Variants in FOXP2 observed in about 807,000 individuals in gnomAD.
The protein encoded by FOXP2 is forkhead box P2.
In FOXP2, 12 loss-of-function variants were observed where a neutral mutation model predicts 115.8. That is an observed-to-expected ratio of 0.10 (90% CI 0.07 to 0.17). The LOEUF (loss-of-function observed/expected upper bound fraction) is 0.17, where lower values mean the gene tolerates loss of function less well. Ranked by LOEUF, FOXP2 falls within the 10% of genes least tolerant of loss-of-function variation. The pLI is 1.00. For synonymous variants in FOXP2, 328 were observed against 297.7 expected (o/e 1.10, Z -1.05); for missense variants, 629 against 843.5 (o/e 0.75, Z 3.15).
chr7:114,240,284 T>A (rs1795118207), intron 1 of FOXP2, among the ~76,000 whole-genome samples: 1 of 152,166 alleles, frequency 6.6e-6, no homozygotes, highest in Admixed American at 6.6e-5. Context: ...TAAAAATAAC[T>A]TTCTCTCCAA....
rs575125852 is a variant in FOXP2 at position 114,691,868 on chromosome 7, A to G, written c.*1942A>G. ...TCTATCACACCAAATAAAAGGACAT[A>G]ACGGCTTTCAAAAGGGTTTTCCCAC... On this transcript the variant is annotated 3_prime_UTR_variant, in exon 17 of 17. Coordinates refer to ENST00000350908, the MANE Select transcript of FOXP2 (RefSeq NM_014491.4). 34 of 453,630 alleles carry G rather than the reference A, an allele frequency of 7.5e-5. No homozygotes were observed. The highest frequency in any genetic ancestry group is 5.8e-4 in the African/African-American group (29 of 49,890). 28.1% of individuals were successfully genotyped at this position (453,630 alleles called of 1,614,324 possible).
chr7:114,645,163 T>TTTC, intron 8 of FOXP2: 2 of 133,608 alleles, frequency 1.5e-5, no homozygotes, highest in East Asian at 2.1e-4. Context: ...TATATATATA[T>TTTC]ATATATATAT....
At chr7:114,253,451 A>G (rs918694961) in intron 1 of FOXP2, among the ~76,000 whole-genome samples, 89 of 152,174 alleles carry the variant, frequency 5.8e-4, no homozygotes, top group African/African-American at 2.0e-3. Flanking sequence ...GTCTCTAAGG[A>G]CTTGCTTTAT....
At chr7:114,189,612 C>A (rs1054612778) in intron 1 of FOXP2, among the ~76,000 whole-genome samples, 6 of 152,128 alleles carry the variant, frequency 3.9e-5, no homozygotes, top group East Asian at 3.9e-4. Context: ...TCATCTTATC[C>A]TGAATAACCT....
At chr7:114,471,821 A>C (rs1796060866) in intron 2 of FOXP2, among the ~76,000 whole-genome samples, 1 of 151,758 alleles carries the variant, frequency 6.6e-6, no homozygotes, top group South Asian at 2.1e-4. Context: ...TTAGCTGGGC[A>C]TGGTGGCGGG....
At chr7:114,528,958 C>A (rs1048515646) in intron 2 of FOXP2, among the ~76,000 whole-genome samples, 2 of 151,878 alleles carry the variant, frequency 1.3e-5, no homozygotes, top group African/African-American at 4.8e-5. Flanking sequence ...TTAGTAAAAT[C>A]AGTCCTAATT....
intron 7 of FOXP2, among the ~76,000 whole-genome samples, chr7:114,644,324 A>G (rs1462680120): frequency 1.3e-5 from 2 of 152,168 alleles, no homozygotes; most frequent in African/African-American, 2.4e-5. Context: ...TGGCTGTCCT[A>G]TTATTCTCTT....
At chr7:114,639,641 A>G (rs2129331648) in intron 6 of FOXP2, among the ~76,000 whole-genome samples, 1 of 152,290 alleles carries the variant, frequency 6.6e-6, no homozygotes, top group East Asian at 1.9e-4. Flanking sequence ...CCATCTAAGT[A>G]AAGGGAGGGA....
At position 114,692,127 on chromosome 7, in the gene FOXP2, C is replaced by G. The variant is rs754719424; in HGVS notation, c.*2201C>G. ...AAGATGGTTTTCAGTCATCTAGGAT[C>G]CTACTGTAAGGATTATCTGAAAGGA... is the stretch of plus-strand genomic sequence containing the variant. On this transcript the variant is annotated 3_prime_UTR_variant, in exon 17 of 17. Coordinates refer to ENST00000350908, the MANE Select transcript of FOXP2 (RefSeq NM_014491.4). 20 of 453,538 alleles carry G rather than the reference C, an allele frequency of 4.4e-5. No homozygotes were observed. The highest frequency in any genetic ancestry group is 3.1e-4 in the South Asian group (20 of 64,440). 28.1% of individuals were successfully genotyped at this position (453,538 alleles called of 1,614,324 possible).
intron 1 of FOXP2, among the ~76,000 whole-genome samples, chr7:114,097,021 A>G (rs1799667421): frequency 1.3e-5 from 2 of 152,288 alleles, no homozygotes; most frequent in South Asian, 4.1e-4. Flanking sequence ...TGTAGAAATT[A>G]TGCTGATAAT....
At chr7:114,383,338 A>G (rs1792355839) in intron 2 of FOXP2, among the ~76,000 whole-genome samples, 1 of 152,130 alleles carries the variant, frequency 6.6e-6, no homozygotes, top group African/African-American at 2.4e-5. Context: ...TGGAAGGGGC[A>G]TAATCAGGGA....
chr7:114,179,510 G>C (rs1793402891), intron 1 of FOXP2, among the ~76,000 whole-genome samples: 1 of 151,868 alleles, frequency 6.6e-6, no homozygotes, highest in South Asian at 2.1e-4. Context: ...AGTAGTGCTG[G>C]CATGCGGTCT....
chr7:114,613,162 G>A (rs762439125), intron 3 of FOXP2, among the ~76,000 whole-genome samples: 23 of 151,998 alleles, frequency 1.5e-4, no homozygotes, highest in Admixed American at 3.3e-4. Context: ...CATCATAACT[G>A]CATTTAGAAT....
intron 2 of FOXP2, among the ~76,000 whole-genome samples, chr7:114,315,839 A>G (rs1242151050): frequency 1.3e-5 from 2 of 152,122 alleles, no homozygotes; most frequent in African/African-American, 4.8e-5. Flanking sequence ...TGTTTTAAAA[A>G]CACTGTATTT....
At chr7:114,328,574 C>T (rs1285839950) in intron 2 of FOXP2, among the ~76,000 whole-genome samples, 4 of 152,104 alleles carry the variant, frequency 2.6e-5, no homozygotes, top group Admixed American at 2.6e-4. Flanking sequence ...CTTAGATGGA[C>T]ATGCAGTAAC....
intron 1 of FOXP2, among the ~76,000 whole-genome samples, chr7:114,157,461 C>T (rs1194476614): frequency 1.3e-5 from 2 of 151,824 alleles, no homozygotes; most frequent in Admixed American, 6.6e-5. Context: ...AATTAAGACT[C>T]TAAAAAAATC....
chr7:114,204,915 CAAAAA>C (rs60413933), intron 1 of FOXP2, among the ~76,000 whole-genome samples: 1 of 141,826 alleles, frequency 7.1e-6, no homozygotes. Flanking sequence ...TTGTGTGTGC[CAAAAA>C]AAAAAAAAAA....
At chr7:114,193,249 T>C (rs1793811326) in intron 1 of FOXP2, among the ~76,000 whole-genome samples, 1 of 152,064 alleles carries the variant, frequency 6.6e-6, no homozygotes, top group African/African-American at 2.4e-5. Flanking sequence ...GAATCATCCA[T>C]GTGAGGAATG....
chr7:114,628,737 G>C lies in FOXP2; in HGVS notation c.396+60G>C, dbSNP rs748491261. 6.2e-6 allele frequency: 10 copies of C among 1,603,068 alleles called. No homozygotes were observed. The African/African-American group carries it at 1.2e-4, about 19-fold the overall frequency. On this transcript the variant is annotated intron_variant, in intron 4 of 16. Coordinates refer to ENST00000350908, the MANE Select transcript of FOXP2 (RefSeq NM_014491.4). ...GACTTAGAAGGTGTGCACTTATTTT[G>C]AAAGTGCAGTGGGCATATTTGACAA...
Sources: allele counts gnomAD v4.1 joint callset (sites outside exome capture counted in the v4.1 genomes callset), GRCh38; gene constraint gnomAD v4.1.1; transcripts MANE v1.5; gene names NCBI Gene and HGNC (gene_info 2026-07-23, HGNC 2026-07-21).